LPCAT1: variants seen among roughly 807,000 people sequenced by gnomAD.
The protein encoded by LPCAT1 is lysophosphatidylcholine acyltransferase 1.
Under a neutral mutation model 60.9 loss-of-function variants are expected in LPCAT1, and 23 were observed. That is an observed-to-expected ratio of 0.38 (90% CI 0.27 to 0.53). The LOEUF (loss-of-function observed/expected upper bound fraction) is 0.53, where lower values mean the gene tolerates loss of function less well. Among genes scored for constraint, LPCAT1 ranks in the 20% least tolerant of loss-of-function variants. The pLI is 0.82. For synonymous variants in LPCAT1, 340 were observed against 301.1 expected (o/e 1.13, Z -1.34); for missense variants, 622 against 723.6 (o/e 0.86, Z 1.61).
intron 11 of LPCAT1, among the ~76,000 whole-genome samples, chr5:1,472,101 A>T (rs1327512103): frequency 1.8e-5 from 1 of 56,238 alleles, no homozygotes; most frequent in Non-Finnish European, 3.4e-5. Context: ...AGAGCAGGAG[A>T]TAATGAGCAC....
rs1382619853 is a variant in LPCAT1 at position 1,481,173 on chromosome 5, A to C, written c.727-197T>G. The stretch of plus-strand genomic sequence containing the variant: ...GGACTCGGACCAGCCCCCCAGCCTG[A>C]GGTCCCCAGAGCCTCTAAGGACCCA... On this transcript the variant is annotated intron_variant, in intron 6 of 13. Coordinates refer to ENST00000283415, the MANE Select transcript of LPCAT1 (RefSeq NM_024830.5). The surrounding 1 kb of genome is among the most constrained non-coding windows in gnomAD (Gnocchi z 7.8). Among the ~76,000 whole-genome samples, 4 of 152,034 alleles carry C rather than the reference A, an allele frequency of 2.6e-5. No individual in the cohort carries two copies. The highest frequency in any genetic ancestry group is 5.9e-5 in the Non-Finnish European group (4 of 67,970).
chr5:1,481,079 A>T lies in LPCAT1; in HGVS notation c.727-103T>A. ...TCTCCCTGCACCTCCCACCCCACAG[A>T]GGCGCTGCAGCCAGGGGGAAGGGAG... On this transcript the variant is annotated intron_variant, in intron 6 of 13. Coordinates refer to ENST00000283415, the MANE Select transcript of LPCAT1 (RefSeq NM_024830.5). The surrounding 1 kb of genome is among the most constrained non-coding windows in gnomAD (Gnocchi z 7.8). 7.3e-7 allele frequency: 1 copy of T among 1,375,682 alleles called. No individual in the cohort carries two copies. Among genetic ancestry groups the T allele is most frequent in the Non-Finnish European group, 1.0e-6 (1 of 972,722 alleles). 85.2% of individuals were successfully genotyped at this position (1,375,682 alleles called of 1,614,324 possible).
intron 2 of LPCAT1, among the ~76,000 whole-genome samples, chr5:1,500,671 G>C (rs1010757480): frequency 6.6e-6 from 1 of 152,242 alleles, no homozygotes; most frequent in Non-Finnish European, 1.5e-5. Context: ...AGGCCCACTG[G>C]CCGGAGCTTC....
rs1215824125 is a variant in LPCAT1, at chr5:1,522,319, C to A, written c.135+1391G>T. Among the ~76,000 whole-genome samples the A allele has an allele frequency of 6.6e-6, 1 of 152,106 alleles. No individual in the cohort carries two copies. The highest frequency in any genetic ancestry group is 1.5e-5 in the Non-Finnish European group (1 of 68,006). The stretch of plus-strand genomic sequence containing the variant: ...GGTTGAGGGGCACAGAATGAGCGAC[C>A]GTGTCCCAAGTCCTCCTTTGAGGGG... On this transcript the variant is annotated intron_variant, in intron 1 of 13. Transcript: ENST00000283415. This position sits in a 1 kb window ranked among gnomAD's most constrained non-coding sequence, Gnocchi z 6.8.
intron 2 of LPCAT1, among the ~76,000 whole-genome samples, chr5:1,499,924 A>G (rs1345450429): frequency 1.3e-5 from 2 of 152,250 alleles, no homozygotes; most frequent in Non-Finnish European, 2.9e-5. Context: ...CATACAGCCC[A>G]CAGATCAGAC....
chr5:1,511,969 G>A (rs992490295), intron 1 of LPCAT1, among the ~76,000 whole-genome samples: 39 of 152,358 alleles, frequency 2.6e-4, no homozygotes, highest in South Asian at 1.0e-3. Context: ...TGGCTTGGGA[G>A]GAGCATCACT....
At chr5:1,466,126 G>T (rs561372645) in intron 13 of LPCAT1, among the ~76,000 whole-genome samples, 2 of 152,394 alleles carry the variant, frequency 1.3e-5, no homozygotes, top group Non-Finnish European at 2.9e-5. Flanking sequence ...GGTGGATGCA[G>T]CGTAGCTCAT....
rs1736059457 is a variant in LPCAT1 at position 1,502,617 on chromosome 5, GGGAGGCGGGCAGGACT to G, written c.136-1030_136-1015del. Among the ~76,000 whole-genome samples the G allele has an allele frequency of 2.0e-5, 3 of 152,200 alleles. No homozygotes were observed. Among genetic ancestry groups the G allele is most frequent in the Admixed American group, 2.0e-4 (3 of 15,288 alleles). ...AGGGTCTGAGGATGGAGGTCCCTCC[GGGAGGCGGGCAGGACT>G]CCGTGTAGAGGGGCGGGAGGCTTTG... is the stretch of plus-strand genomic sequence containing the variant. On this transcript the variant is annotated intron_variant, in intron 1 of 13. Transcript: ENST00000283415. This position sits in a 1 kb window ranked among gnomAD's most constrained non-coding sequence, Gnocchi z 5.5.
intron 5 of LPCAT1, among the ~76,000 whole-genome samples, chr5:1,485,765 G>T (rs1735348123): frequency 6.6e-6 from 1 of 151,652 alleles, no homozygotes; most frequent in Admixed American, 6.6e-5. Context: ...AGCCCGTGCA[G>T]GGAGGCCGGG....
intron 12 of LPCAT1, among the ~76,000 whole-genome samples, chr5:1,468,365 C>A (rs1220410911): frequency 6.6e-6 from 1 of 152,226 alleles, no homozygotes; most frequent in Non-Finnish European, 1.5e-5. Context: ...CAGAACGGGC[C>A]GGGTCAAAGC....
At chr5:1,519,759 C>T (rs926383236) in intron 1 of LPCAT1, among the ~76,000 whole-genome samples, 7 of 152,252 alleles carry the variant, frequency 4.6e-5, no homozygotes, top group African/African-American at 1.7e-4. Context: ...TTGGCACCAT[C>T]ACACCCAGGT....
At chr5:1,508,150 G>A (rs949588542) in intron 1 of LPCAT1, among the ~76,000 whole-genome samples, 3 of 152,128 alleles carry the variant, frequency 2.0e-5, no homozygotes, top group Admixed American at 1.3e-4. Flanking sequence ...GAGGCACCTC[G>A]TCTGTGGTCC....
In LPCAT1 at chr5:1,522,205, G is replaced by A. The variant is rs1736697910; in HGVS notation, c.135+1505C>T. Among the ~76,000 whole-genome samples the A allele has an allele frequency of 6.6e-6, 1 of 152,240 alleles. No individual in the cohort carries two copies. Among genetic ancestry groups the A allele is most frequent in the African/African-American group, 2.4e-5 (1 of 41,456 alleles). ...GGCTTCCGAGCAGCAGAGTGCAGGAGGAAGAAAGCCTGCTGGGAGTGACTC... is the reference window on the plus strand; with the variant it reads ...GGCTTCCGAGCAGCAGAGTGCAGGAAGAAGAAAGCCTGCTGGGAGTGACTC... On this transcript the variant is annotated intron_variant, in intron 1 of 13. Transcript: ENST00000283415. The surrounding 1 kb of genome is among the most constrained non-coding windows in gnomAD (Gnocchi z 6.8).
intron 13 of LPCAT1, among the ~76,000 whole-genome samples, chr5:1,465,582 C>T (rs900203218): frequency 2.7e-5 from 4 of 149,388 alleles, no homozygotes; most frequent in Admixed American, 6.7e-5. Flanking sequence ...CACAAGTGCA[C>T]GCACACACAC....
Position 1,483,690 on chromosome 5 carries a change from G to T in LPCAT1, c.668-204C>A, listed in dbSNP as rs188684716. Among the ~76,000 whole-genome samples the T allele has an allele frequency of 3.9e-5, 6 of 152,354 alleles. No homozygotes were observed. Among genetic ancestry groups the T allele is most frequent in the African/African-American group, 1.4e-4 (6 of 41,578 alleles). Reference sequence around the variant, plus strand: ...CACAGCACGGATGGGCAGGAACATCGGCCAGGGGCGCTCCCCGGCCAAGGA... The same window carrying T: ...CACAGCACGGATGGGCAGGAACATCTGCCAGGGGCGCTCCCCGGCCAAGGA... On this transcript the variant is annotated intron_variant, in intron 5 of 13. Transcript: ENST00000283415. The surrounding 1 kb of genome is among the most constrained non-coding windows in gnomAD (Gnocchi z 9.2).
At chr5:1,471,451 TGA>T (rs1734665213) in intron 11 of LPCAT1, among the ~76,000 whole-genome samples, 1 of 152,104 alleles carries the variant, frequency 6.6e-6, no homozygotes. Flanking sequence ...AGCAGGGTGG[TGA>T]GAGGCACAGG....
At chr5:1,490,762 G>C (rs1412485062) in intron 3 of LPCAT1, among the ~76,000 whole-genome samples, 1 of 152,194 alleles carries the variant, frequency 6.6e-6, no homozygotes, top group Non-Finnish European at 1.5e-5. Flanking sequence ...TTATGCAAGA[G>C]GATTGAACGT....
Position 1,521,268 on chromosome 5 carries a change from C to T in LPCAT1, c.135+2442G>A, listed in dbSNP as rs1222091481. 1.1e-6 allele frequency: 1 copy of T among 921,254 alleles called. No individual in the cohort carries two copies. Among genetic ancestry groups the T allele is most frequent in the African/African-American group, 1.8e-5 (1 of 55,654 alleles). The allele number at this position is 921,254 out of a possible 1,614,324, so 57.1% of individuals were successfully genotyped here. A position where few individuals can be genotyped will look rare whatever the true frequency, so the allele number is the denominator to read the frequency against. On this transcript the variant is annotated intron_variant, in intron 1 of 13. Transcript: ENST00000283415. The surrounding 1 kb of genome is among the most constrained non-coding windows in gnomAD (Gnocchi z 4.3). ...ATGGGCTGGCTGGAGGAGGAGGTGT[C>T]CCCGCATGGCGCTAATCCGAAGACA...
At chr5:1,516,495 T>A (rs1213543006) in intron 1 of LPCAT1, among the ~76,000 whole-genome samples, 1 of 152,176 alleles carries the variant, frequency 6.6e-6, no homozygotes, top group African/African-American at 2.4e-5. Flanking sequence ...CCCGGCGGCA[T>A]CCCCACTGTC....
Sources: gnomAD v4.1 joint callset for allele counts (sites outside exome capture counted in the v4.1 genomes callset) on GRCh38, gnomAD v4.1.1 for gene constraint, Gnocchi (gnomAD v3.1) non-coding constraint, MANE v1.5 for transcripts, NCBI Gene and HGNC (gene_info 2026-07-23, HGNC 2026-07-21) for gene names.